Variants in RARS2 observed in about 807,000 individuals in gnomAD.
The protein encoded by RARS2 is probable arginine--tRNA ligase, mitochondrial.
In RARS2, 67 loss-of-function variants were observed where a neutral mutation model predicts 88.5. The observed-to-expected ratio is 0.76, with a 90% confidence interval of 0.62 to 0.93. RARS2 has a LOEUF of 0.93. Ranked by LOEUF, RARS2 falls within the 40% of genes least tolerant of loss-of-function variation. RARS2 has a pLI of 0.00. For synonymous variants in RARS2, 239 were observed against 230.3 expected, an observed-to-expected ratio of 1.04 and a Z score of -0.34; for missense variants, 664 against 684.2, an observed-to-expected ratio of 0.97 and a Z score of 0.33.
At chr6:87,521,359 G>A in intron 12 of RARS2, 105 bp downstream of exon 12, 1 of 884,604 alleles carries the variant, frequency 1.1e-6, no homozygotes, top group Non-Finnish European at 1.8e-6. Flanking sequence ...ACTTAATGTT[G>A]ACTTCTCTCT....
At chr6:87,519,452 A>C (rs1773105085) in intron 14 of RARS2, 131 bp downstream of exon 14, 1 of 1,000,036 alleles carries the variant, frequency 1.0e-6, no homozygotes, top group Admixed American at 2.1e-5. Flanking sequence ...CTAATTAGTG[A>C]AAGGTATTTT....
rs751294868 is a variant in RARS2 at position 87,530,958 on chromosome 6, T to C, written c.613-16A>G. On this transcript the variant is annotated splice_polypyrimidine_tract_variant and intron_variant, in intron 8 of 19. Coordinates refer to ENST00000369536, the MANE Select transcript of RARS2 (RefSeq NM_020320.5). The stretch of plus-strand genomic sequence containing the variant: ...GTACATAAACCTAAAAGTACAATAG[T>C]ACATTAAATGAAGTACATAACAGGT... 1.2e-6 allele frequency: 2 copies of C among 1,613,754 alleles called. No homozygotes were observed. Among genetic ancestry groups the C allele is most frequent in the South Asian group, 2.2e-5 (2 of 91,084 alleles).
intron 5 of RARS2, among the ~76,000 whole-genome samples, chr6:87,550,709 GAAAA>G (rs5878036): frequency 1.4e-5 from 1 of 71,896 alleles, no homozygotes; most frequent in Non-Finnish European, 3.4e-5. Flanking sequence ...GCCGATTTAA[GAAAA>G]AAAAAAAAAA....
chr6:87,545,730 T>C, intron 6 of RARS2, 31 bp from the exon 7 acceptor site: 3 of 1,604,770 alleles, frequency 1.9e-6, no homozygotes, highest in East Asian at 2.2e-5. Context: ...TAGTTTCTCA[T>C]TCTTGTTATC....
intron 11 of RARS2, among the ~76,000 whole-genome samples, chr6:87,522,333 TAAAA>T (rs34710568): frequency 4.5e-5 from 4 of 88,722 alleles, no homozygotes; most frequent in Admixed American, 1.5e-4. Context: ...CCGTCTCAAT[TAAAA>T]AAAAAAAAAA....
chr6:87,557,704 C>A (rs1268238075), intron 4 of RARS2, among the ~76,000 whole-genome samples: 1 of 152,212 alleles, frequency 6.6e-6, no homozygotes, highest in Non-Finnish European at 1.5e-5. Context: ...CTACTCCCTT[C>A]TTGCAACTAT....
chr6:87,527,580 T>A (rs971422751), intron 10 of RARS2, among the ~76,000 whole-genome samples: 5 of 152,176 alleles, frequency 3.3e-5, no homozygotes, highest in Non-Finnish European at 7.4e-5. Context: ...AAAAAGCTTC[T>A]GCACAGCAAA....
chr6:87,546,219 A>C (rs1024058976), intron 6 of RARS2, among the ~76,000 whole-genome samples: 3 of 152,130 alleles, frequency 2.0e-5, no homozygotes, highest in Non-Finnish European at 4.4e-5. Context: ...CTGGTTTCAC[A>C]CTCAACATCT....
intron 1 of RARS2, 101 bp from the exon 2 acceptor site, chr6:87,569,691 G>A (rs560123189): frequency 3.1e-5 from 28 of 891,592 alleles, no homozygotes; most frequent in African/African-American, 2.0e-4. Flanking sequence ...CACTTAACAC[G>A]AATGAGCTCC....
chr6:87,555,052 T>C (rs1014185214), intron 5 of RARS2, among the ~76,000 whole-genome samples: 2 of 151,440 alleles, frequency 1.3e-5, no homozygotes, highest in Non-Finnish European at 2.9e-5. Context: ...TGCAGTGAGC[T>C]GAGATCTCGC....
At chr6:87,550,848 T>C (rs191478303) in intron 5 of RARS2, among the ~76,000 whole-genome samples, 1 of 148,024 alleles carries the variant, frequency 6.8e-6, no homozygotes, top group Admixed American at 6.7e-5. Flanking sequence ...ATGTAAAATA[T>C]GTATAGTCTG....
intron 6 of RARS2, among the ~76,000 whole-genome samples, chr6:87,546,091 T>C (rs1782560302): frequency 6.6e-6 from 1 of 152,174 alleles, no homozygotes; most frequent in Non-Finnish European, 1.5e-5. Context: ...TTTTCCCTTT[T>C]TGTGTTTTCT....
intron 8 of RARS2, among the ~76,000 whole-genome samples, chr6:87,538,548 TGTACAGCCTCA>T (rs1323676811): frequency 6.6e-6 from 1 of 152,106 alleles, no homozygotes; most frequent in Non-Finnish European, 1.5e-5. Context: ...TTTAAAATAT[TGTACAGCCTCA>T]GCAACAGTGA....
At chr6:87,575,094 A>G (rs1483153513) in intron 1 of RARS2, among the ~76,000 whole-genome samples, 1 of 152,070 alleles carries the variant, frequency 6.6e-6, no homozygotes, top group Non-Finnish European at 1.5e-5. Flanking sequence ...TCAAAGCCAT[A>G]AACTTCAAAA....
intron 9 of RARS2, 63 bp downstream of exon 9, chr6:87,530,721 T>G: frequency 1.9e-6 from 3 of 1,567,540 alleles, no homozygotes; most frequent in Non-Finnish European, 2.6e-6. Flanking sequence ...AACTTTACTA[T>G]GCAGGTAACA....
intron 11 of RARS2, among the ~76,000 whole-genome samples, chr6:87,522,692 T>C (rs1009032225): frequency 6.6e-6 from 1 of 152,222 alleles, no homozygotes; most frequent in African/African-American, 2.4e-5. Flanking sequence ...GGTATCATCA[T>C]GTTGGCCAGG....
chr6:87,538,583 C>A (rs1186474424), intron 8 of RARS2, among the ~76,000 whole-genome samples: 6 of 152,106 alleles, frequency 3.9e-5, no homozygotes, highest in African/African-American at 1.4e-4. Context: ...TTCACCTCCA[C>A]AAAAAAACCC....
intron 1 of RARS2, among the ~76,000 whole-genome samples, chr6:87,588,522 C>T (rs1235436098): frequency 6.6e-6 from 1 of 152,058 alleles, no homozygotes; most frequent in Non-Finnish European, 1.5e-5. Context: ...CAGAGGTGCA[C>T]CATCATGCCT....
At chr6:87,533,495 A>C (rs2128076808) in intron 8 of RARS2, among the ~76,000 whole-genome samples, 1 of 152,294 alleles carries the variant, frequency 6.6e-6, no homozygotes, top group South Asian at 2.1e-4. Context: ...TTAAGGCTAA[A>C]TTTAGACACA....
Sources: allele counts gnomAD v4.1 joint callset (sites outside exome capture counted in the v4.1 genomes callset), GRCh38; gene constraint gnomAD v4.1.1; transcripts MANE v1.5; gene names NCBI Gene and HGNC (gene_info 2026-07-23, HGNC 2026-07-21).